TMEM182: variants seen among roughly 807,000 people sequenced by gnomAD.
The protein encoded by TMEM182 is transmembrane protein 182.
Under a neutral mutation model 26.8 loss-of-function variants are expected in TMEM182, and 20 were observed. The observed-to-expected ratio is 0.75, with a 90% CI of 0.53 to 1.09. The LOEUF (loss-of-function observed/expected upper bound fraction) is 1.09. TMEM182 is among the 50% of genes least tolerant of loss of function. The pLI is 0.00. For missense variants in TMEM182, 277 were observed against 275.5 expected (o/e 1.01, Z -0.04); for synonymous variants, 109 against 102.2 (o/e 1.07, Z -0.40).
intron 3 of TMEM182, among the ~76,000 whole-genome samples, chr2:102,766,740 T>C (rs1680467116): frequency 6.6e-6 from 1 of 152,206 alleles, no homozygotes; most frequent in Admixed American, 6.5e-5. Context: ...CAACATCAGA[T>C]ACTTGCCAGG....
chr2:102,817,739 A>C (rs1295283529), downstream of TMEM182: 1 of 980,024 alleles, frequency 1.0e-6, no homozygotes, highest in African/African-American at 1.8e-5. Context: ...ATATGGGTGC[A>C]TGTCTGTGTA....
chr2:102,780,728 G>A (rs1437362233), intron 3 of TMEM182, among the ~76,000 whole-genome samples: 1 of 152,184 alleles, frequency 6.6e-6, no homozygotes, highest in Non-Finnish European at 1.5e-5. Context: ...TGGAGGGGAT[G>A]TGGTTGAGAC....
rs1295209468 is a variant in TMEM182 at position 102,816,569 on chromosome 2, T to C, written c.*1601T>C. 5.1e-6 allele frequency: 5 copies of C among 983,712 alleles called. No individual in the cohort carries two copies. In the African/African-American group the frequency reaches 7.0e-5, roughly 14 times the overall value. The allele number at this position is 983,712 out of a possible 1,614,324, so 60.9% of individuals were successfully genotyped here. A position where few individuals can be genotyped will look rare whatever the true frequency, so the allele number is the denominator to read the frequency against. On this transcript the variant is annotated 3_prime_UTR_variant, in exon 5 of 5. Coordinates refer to ENST00000412401, the MANE Select transcript of TMEM182 (RefSeq NM_144632.5). ...AATAAAGCTCCAGAGGCCTAACTGG[T>C]TTCTCAAGTCATTTCAGTGATATCA...
At chr2:102,793,947 A>G (rs992222234) in intron 3 of TMEM182, among the ~76,000 whole-genome samples, 13 of 152,178 alleles carry the variant, frequency 8.5e-5, no homozygotes, top group Non-Finnish European at 1.5e-4. Context: ...GCTCATGCCT[A>G]TAATCCCTGC....
chr2:102,829,410 A>G (rs1683106326), intron 3 of TMEM182, among the ~76,000 whole-genome samples: 1 of 152,194 alleles, frequency 6.6e-6, no homozygotes, highest in Admixed American at 6.6e-5. Flanking sequence ...TGGCTAAAGA[A>G]AGGTGGGTTG....
intron 4 of TMEM182, among the ~76,000 whole-genome samples, chr2:102,812,709 T>A (rs1210094114): frequency 1.3e-5 from 2 of 152,222 alleles, no homozygotes. Context: ...CTACTAGTTT[T>A]TCACAAAGGC....
chr2:102,783,443 G>A (rs1681256595), intron 3 of TMEM182, among the ~76,000 whole-genome samples: 1 of 152,208 alleles, frequency 6.6e-6, no homozygotes, highest in Admixed American at 6.5e-5. Context: ...AAAAAACTAA[G>A]GGGGTTGGTT....
At chr2:102,789,291 T>TA (rs1681534736) in intron 3 of TMEM182, among the ~76,000 whole-genome samples, 1 of 152,212 alleles carries the variant, frequency 6.6e-6, no homozygotes, top group Non-Finnish European at 1.5e-5. Flanking sequence ...AAGCTGCAAA[T>TA]AAAATATTTA....
intron 3 of TMEM182, among the ~76,000 whole-genome samples, chr2:102,825,074 T>A (rs992401834): frequency 6.6e-6 from 1 of 152,254 alleles, no homozygotes; most frequent in African/African-American, 2.4e-5. Flanking sequence ...TTATTTTATG[T>A]TGTTTTAATC....
intron 3 of TMEM182, among the ~76,000 whole-genome samples, chr2:102,824,377 G>C (rs1258323824): frequency 1.3e-5 from 2 of 152,204 alleles, no homozygotes; most frequent in African/African-American, 4.8e-5. Flanking sequence ...ATAATCCCCA[G>C]TGTTGGAGGA....
At chr2:102,741,363 G>A (rs189994417) in intron 1 of TMEM182, among the ~76,000 whole-genome samples, 5 of 152,118 alleles carry the variant, frequency 3.3e-5, no homozygotes, top group Non-Finnish European at 7.4e-5. Context: ...GATCCACCAG[G>A]TTCTTATGTT....
At chr2:102,750,425 C>A (rs189414768) in intron 1 of TMEM182, among the ~76,000 whole-genome samples, 190 of 152,292 alleles carry the variant, frequency 1.2e-3, no homozygotes, top group African/African-American at 4.5e-3. Flanking sequence ...TTGCTTCTGT[C>A]CTAAGGAAAT....
At chr2:102,826,671 TAC>T (rs1481161808) in intron 3 of TMEM182, among the ~76,000 whole-genome samples, 1 of 152,200 alleles carries the variant, frequency 6.6e-6, no homozygotes, top group Non-Finnish European at 1.5e-5. Flanking sequence ...AGTCACTGGA[TAC>T]AGTTTCTTCA....
chr2:102,753,553 T>G (rs1408130785), intron 1 of TMEM182, among the ~76,000 whole-genome samples: 4 of 152,248 alleles, frequency 2.6e-5, no homozygotes, highest in African/African-American at 7.2e-5. Context: ...TAAAAAAAAA[T>G]TGAGATGGGG....
Position 102,815,159 on chromosome 2 carries a change from A to G in TMEM182, c.*191A>G, listed in dbSNP as rs1682699949. On this transcript the variant is annotated 3_prime_UTR_variant, in exon 5 of 5. Coordinates refer to ENST00000412401, the MANE Select transcript of TMEM182 (RefSeq NM_144632.5). ...TCTCTCCAGACACCAGCAAGCCTCTATCTTGTCTAAGTGCTGTCAAGGACC... is the reference window on the plus strand; with the variant it reads ...TCTCTCCAGACACCAGCAAGCCTCTGTCTTGTCTAAGTGCTGTCAAGGACC... The G allele has an allele frequency of 3.6e-6, 5 of 1,407,884 alleles. No homozygotes were observed. Among genetic ancestry groups the G allele is most frequent in the African/African-American group, 1.4e-5 (1 of 69,028 alleles). The allele number at this position is 1,407,884 out of a possible 1,614,324, so 87.2% of individuals were successfully genotyped here.
chr2:102,801,244 C>T (rs911658473), intron 4 of TMEM182, among the ~76,000 whole-genome samples: 17 of 152,106 alleles, frequency 1.1e-4, no homozygotes, highest in Middle Eastern at 3.4e-3. Flanking sequence ...GGCACTGTTG[C>T]AGGAATCAGG....
upstream of TMEM182, chr2:102,758,430 G>A: frequency 1.4e-6 from 1 of 716,248 alleles, no homozygotes; most frequent in Non-Finnish European, 2.6e-6. Context: ...ACAGGCAAAT[G>A]TCCAATTTTC....
intron 3 of TMEM182, among the ~76,000 whole-genome samples, chr2:102,781,314 G>C (rs1055760542): frequency 6.6e-6 from 1 of 152,186 alleles, no homozygotes; most frequent in Non-Finnish European, 1.5e-5. Flanking sequence ...GCTATTAGTA[G>C]AGATAGAGAA....
intron 3 of TMEM182, among the ~76,000 whole-genome samples, chr2:102,835,557 T>C (rs1683229082): frequency 6.6e-6 from 1 of 152,206 alleles, no homozygotes; most frequent in South Asian, 2.1e-4. Context: ...ACCATTATAG[T>C]ACAAACGGAA....
Sources: allele counts gnomAD v4.1 joint callset (sites outside exome capture counted in the v4.1 genomes callset), GRCh38; gene constraint gnomAD v4.1.1; transcripts MANE v1.5; gene names NCBI Gene and HGNC (gene_info 2026-07-23, HGNC 2026-07-21).